DNAH7: variants seen among roughly 807,000 people sequenced by gnomAD.
DNAH7 encodes the protein axonemal beta dynein heavy chain 7.
DNAH7 carries 397 observed loss-of-function variants against 444.6 expected under a neutral mutation model. The ratio of observed to expected loss-of-function variants is 0.89; its 90% CI spans 0.82 to 0.97. DNAH7 has a LOEUF of 0.97. Among genes scored for constraint, DNAH7 ranks in the 50% least tolerant of loss-of-function variants. DNAH7 has a pLI of 0.00. For synonymous variants in DNAH7, 1,636 were observed against 1,624.4 expected (o/e 1.01, Z -0.17); for missense variants, 4,902 against 4,800.8 (o/e 1.02, Z -0.62).
chr2:196,026,287 A>C (rs1337668307), intron 7 of DNAH7, among the ~76,000 whole-genome samples: 1 of 152,174 alleles, frequency 6.6e-6, no homozygotes, highest in Non-Finnish European at 1.5e-5. Context: ...CTACTGCAAC[A>C]ATTTTGTATT....
intron 29 of DNAH7, 86 bp from the exon 30 acceptor site, chr2:195,895,310 GATA>G (rs942137781): frequency 9.8e-6 from 8 of 818,274 alleles, no homozygotes; most frequent in Non-Finnish European, 1.2e-5. Context: ...AGGGCCATTA[GATA>G]ATAATAGTTC....
At chr2:195,984,794 C>T in intron 14 of DNAH7, 84 bp from the exon 15 acceptor site, 1 of 1,215,108 alleles carries the variant, frequency 8.2e-7, no homozygotes, top group South Asian at 1.4e-5. Context: ...TTTAAATATT[C>T]CATTGCATGA....
At chr2:195,850,168 G>C (rs574278102) in intron 46 of DNAH7, among the ~76,000 whole-genome samples, 2 of 152,122 alleles carry the variant, frequency 1.3e-5, no homozygotes, top group African/African-American at 4.8e-5. Context: ...TGTAATATCA[G>C]AGAATAACCA....
chr2:195,782,016 C>CACAG (rs1491465628), intron 58 of DNAH7, among the ~76,000 whole-genome samples: 2 of 141,266 alleles, frequency 1.4e-5, no homozygotes, highest in East Asian at 2.0e-4. Context: ...CACACACACA[C>CACAG]AGACACACCC....
At chr2:195,988,254 G>C in intron 12 of DNAH7, 25 bp from the exon 13 acceptor site, 1 of 1,542,018 alleles carries the variant, frequency 6.5e-7, no homozygotes, top group Non-Finnish European at 8.7e-7. Flanking sequence ...AAAAATAATA[G>C]TATTTAAAAT....
intron 30 of DNAH7, 79 bp downstream of exon 30, chr2:195,894,897 G>C (rs1346752630): frequency 7.9e-7 from 1 of 1,272,756 alleles, no homozygotes; most frequent in African/African-American, 1.5e-5. Context: ...CACATTGAAT[G>C]CATCTTTTAA....
intron 19 of DNAH7, among the ~76,000 whole-genome samples, chr2:195,955,131 T>C (rs949204451): frequency 6.6e-6 from 1 of 152,224 alleles, no homozygotes; most frequent in Non-Finnish European, 1.5e-5. Context: ...TTGCCTAGGT[T>C]TTCTTCTACA....
chr2:196,068,738 G>A lies in DNAH7; in HGVS notation c.-27C>T, dbSNP rs61384618. 0.069 allele frequency: 106,584 copies of A among 1,549,914 alleles called. 4,107 individuals carry two copies. Among genetic ancestry groups the A allele is most frequent in the African/African-American group, 0.12 (8,923 of 73,182 alleles). ...GCTGCGAGGACGCGCTGGCCTCACC[G>A]GTGCTTCTGGGTTGCTCCTGCCCGC... On this transcript the variant is annotated 5_prime_UTR_variant, in exon 1 of 65. Coordinates refer to ENST00000312428, the MANE Select transcript of DNAH7 (RefSeq NM_018897.3).
rs754025897 is a variant in DNAH7 at position 195,888,438 on chromosome 2, G to C, written c.5230-4C>G. ...AAATCATGCCACATCTGGAAACCTG[G>C]AAAGCCATAATTGGTTACCATCAAG... On this transcript the variant is annotated splice_region_variant and splice_polypyrimidine_tract_variant and intron_variant, in intron 32 of 64. Transcript: ENST00000312428. The C allele has an allele frequency of 6.3e-7, 1 of 1,582,188 alleles. No homozygotes were observed. The highest frequency in any genetic ancestry group is 8.5e-7 in the Non-Finnish European group (1 of 1,171,026).
chr2:195,779,141 C>A (rs1482001701), intron 58 of DNAH7, among the ~76,000 whole-genome samples: 7 of 152,196 alleles, frequency 4.6e-5, no homozygotes, highest in African/African-American at 9.6e-5. Context: ...CCGCTCCCAG[C>A]CAGACTGTAC....
At chr2:195,918,532 C>T (rs1032660642) in intron 24 of DNAH7, among the ~76,000 whole-genome samples, 6 of 152,116 alleles carry the variant, frequency 3.9e-5, no homozygotes, top group East Asian at 1.9e-4. Context: ...AGATGTCCTT[C>T]GACAGGTGAA....
chr2:196,004,962 CAAAAAAAAAAAAA>C (rs60564090), intron 10 of DNAH7, among the ~76,000 whole-genome samples: 1 of 63,654 alleles, frequency 1.6e-5, no homozygotes, highest in African/African-American at 4.9e-5. Context: ...GGCCTTGTGT[CAAAAAAAAAAAAA>C]AAAAAAAAAA....
At chr2:195,836,697 G>A (rs930976045) in intron 47 of DNAH7, among the ~76,000 whole-genome samples, 5 of 152,030 alleles carry the variant, frequency 3.3e-5, no homozygotes, top group African/African-American at 1.2e-4. Context: ...AGGGAAATTA[G>A]AAAGAAATAA....
At chr2:195,982,092 A>T (rs950325466) in intron 15 of DNAH7, among the ~76,000 whole-genome samples, 5 of 151,904 alleles carry the variant, frequency 3.3e-5, no homozygotes, top group Admixed American at 1.3e-4. Flanking sequence ...AACCAGAACT[A>T]TACTATTGCA....
rs1690741084 is a variant in DNAH7, at chr2:195,957,351, A to C, written c.2988T>G (p.Ser996=). 2 of 1,608,310 alleles carry C rather than the reference A, an allele frequency of 1.2e-6. No individual in the cohort carries two copies. The highest frequency in any genetic ancestry group is 1.7e-6 in the Non-Finnish European group (2 of 1,176,090). ...TWLYLEPIFS[S]PDIMSQMPEE... is the part of the protein sequence containing the mutation. ...CAGGCATTTGAGACATAATGTCTGG[A>C]GAGCTGAAAATGGGCTCCAGATACA... is the stretch of plus-strand genomic sequence containing the variant. The change falls in exon 19 of 65, where the codon TCT becomes TCG. Residue 996 remains serine, a synonymous_variant. Transcript: ENST00000312428.
intron 5 of DNAH7, among the ~76,000 whole-genome samples, chr2:196,029,966 T>G (rs1454513470): frequency 1.3e-5 from 2 of 152,224 alleles, no homozygotes; most frequent in African/African-American, 4.8e-5. Context: ...TGAAATAATT[T>G]TAACCCATTA....
intron 19 of DNAH7, among the ~76,000 whole-genome samples, chr2:195,937,908 T>C (rs956844885): frequency 6.6e-6 from 1 of 152,174 alleles, no homozygotes; most frequent in Admixed American, 6.6e-5. Flanking sequence ...CATTTATTAA[T>C]GTAACAGGGC....
chr2:195,923,469 G>T, intron 23 of DNAH7, 126 bp downstream of exon 23: 1 of 808,824 alleles, frequency 1.2e-6, no homozygotes, highest in Non-Finnish European at 2.0e-6. Context: ...GCTTACTTGG[G>T]TATAGTCTGC....
intron 9 of DNAH7, among the ~76,000 whole-genome samples, chr2:196,014,996 G>A (rs2125732487): frequency 6.6e-6 from 1 of 151,984 alleles, no homozygotes; most frequent in African/African-American, 2.4e-5. Context: ...CTTGTTTCCA[G>A]TCTCTTATAA....
Sources: allele counts gnomAD v4.1 joint callset (sites outside exome capture counted in the v4.1 genomes callset), GRCh38; gene constraint gnomAD v4.1.1; transcripts MANE v1.5; gene names NCBI Gene and HGNC (gene_info 2026-07-23, HGNC 2026-07-21).